NRXN3: variants seen among roughly 807,000 people sequenced by gnomAD.
NRXN3 encodes the protein neurexin 3.
NRXN3 carries 32 observed loss-of-function variants against 137.6 expected under a neutral mutation model. That is an observed-to-expected ratio of 0.23 (90% CI 0.18 to 0.31). NRXN3 has a LOEUF of 0.31. NRXN3 is among the 10% of genes least tolerant of loss of function. The pLI is 1.00. For synonymous variants in NRXN3, 798 were observed against 784.5 expected (o/e 1.02, Z -0.29); for missense variants, 1,574 against 2,062.5 (o/e 0.76, Z 4.59).
At chr14:78,727,347 G>T (rs8003598) in intron 8 of NRXN3, among the ~76,000 whole-genome samples, 72,116 of 152,096 alleles carry the variant, frequency 0.47, 20,256 homozygotes, top group African/African-American at 0.8. Flanking sequence ...GAATATCAGA[G>T]ATAGTGACAC....
chr14:78,252,048 T>C (rs2068711960), intron 2 of NRXN3, among the ~76,000 whole-genome samples: 2 of 152,192 alleles, frequency 1.3e-5, no homozygotes, highest in African/African-American at 4.8e-5. Context: ...GAGTGATCTA[T>C]TTAAAAACAA....
chr14:79,054,501 A>G (rs2099651776), intron 15 of NRXN3, among the ~76,000 whole-genome samples: 1 of 152,160 alleles, frequency 6.6e-6, no homozygotes, highest in Non-Finnish European at 1.5e-5. Context: ...AAAACTTTTC[A>G]CAAAAATTTG....
At chr14:78,400,534 A>T (rs2091954885) in intron 4 of NRXN3, among the ~76,000 whole-genome samples, 1 of 152,216 alleles carries the variant, frequency 6.6e-6, no homozygotes, top group Non-Finnish European at 1.5e-5. Flanking sequence ...GCAAAAATAC[A>T]TGGGCCTGAG....
intron 10 of NRXN3, among the ~76,000 whole-genome samples, chr14:78,932,318 A>G (rs2099324451): frequency 6.6e-6 from 1 of 152,024 alleles, no homozygotes; most frequent in East Asian, 1.9e-4. Flanking sequence ...TTGAACTCTT[A>G]TTTTTCTCTG....
chr14:78,596,222 A>T (rs1436687339), intron 4 of NRXN3, among the ~76,000 whole-genome samples: 2 of 152,372 alleles, frequency 1.3e-5, no homozygotes, highest in Admixed American at 6.5e-5. Flanking sequence ...GACTAAAGTC[A>T]TAATGGAAAT....
chr14:79,614,513 C>T (rs1011239898), intron 16 of NRXN3, among the ~76,000 whole-genome samples: 12 of 152,102 alleles, frequency 7.9e-5, no homozygotes, highest in African/African-American at 1.9e-4. Context: ...TTTGATCTAC[C>T]GCCGAATATA....
rs562074400 is a variant in NRXN3 at position 78,425,534 on chromosome 14, C to G, written c.757+127674C>G. On this transcript the variant is annotated intron_variant, in intron 4 of 20. Coordinates refer to ENST00000335750, the MANE Select transcript of NRXN3 (RefSeq NM_001330195.2). Reference sequence around the variant, plus strand: ...CATCCAGATGGCACCACTGAGAAAGCTGGCTCACAGGCCAGCAGGGGCCCC... The same window carrying G: ...CATCCAGATGGCACCACTGAGAAAGGTGGCTCACAGGCCAGCAGGGGCCCC... Among the ~76,000 whole-genome samples the G allele has an allele frequency of 9.2e-5, 14 of 152,314 alleles. No homozygotes were observed. The East Asian group carries it at 2.7e-3, about 29-fold the overall frequency.
chr14:78,747,136 A>AG (rs34241373), intron 8 of NRXN3, among the ~76,000 whole-genome samples: 72,487 of 151,836 alleles, frequency 0.48, 19,394 homozygotes, highest in African/African-American at 0.72. Context: ...AGCCAGGACC[A>AG]GGGTTGAAAG....
chr14:78,717,606 A>G (rs2098440138), intron 8 of NRXN3, among the ~76,000 whole-genome samples: 1 of 152,026 alleles, frequency 6.6e-6, no homozygotes, highest in Non-Finnish European at 1.5e-5. Flanking sequence ...TCCCAATGAC[A>G]TTGTTTTTCT....
At chr14:78,878,705 G>A (rs2099119848) in intron 10 of NRXN3, among the ~76,000 whole-genome samples, 1 of 151,996 alleles carries the variant, frequency 6.6e-6, no homozygotes, top group South Asian at 2.1e-4. Context: ...TTTGTTGTGA[G>A]AACAATTAAA....
intron 15 of NRXN3, among the ~76,000 whole-genome samples, chr14:79,096,031 C>T (rs2050257871): frequency 6.6e-6 from 1 of 151,876 alleles, no homozygotes; most frequent in African/African-American, 2.4e-5. Flanking sequence ...ATTGCTTTTT[C>T]TGTCTCTTTC....
At chr14:79,304,614 T>C (rs1477292885) in intron 15 of NRXN3, among the ~76,000 whole-genome samples, 1 of 152,070 alleles carries the variant, frequency 6.6e-6, no homozygotes, top group Non-Finnish European at 1.5e-5. Flanking sequence ...CTGTCTTTGC[T>C]GGGAAATTCC....
intron 15 of NRXN3, among the ~76,000 whole-genome samples, chr14:79,012,072 TAGTA>T (rs1213028016): frequency 1.3e-5 from 2 of 152,186 alleles, no homozygotes; most frequent in Admixed American, 1.3e-4. Context: ...CCTGAGATAG[TAGTA>T]AGTGATAGAA....
intron 15 of NRXN3, among the ~76,000 whole-genome samples, chr14:79,179,198 G>A (rs2062666762): frequency 1.3e-5 from 2 of 152,010 alleles, no homozygotes; most frequent in Non-Finnish European, 2.9e-5. Flanking sequence ...ATGTTTATGA[G>A]ATTTCAAGCT....
intron 15 of NRXN3, among the ~76,000 whole-genome samples, chr14:79,141,976 T>A (rs1047344405): frequency 6.6e-6 from 1 of 152,160 alleles, no homozygotes; most frequent in African/African-American, 2.4e-5. Context: ...ATCTCAGCCA[T>A]CAAAATATCC....
At chr14:79,635,054 T>C (rs1181608146) in intron 16 of NRXN3, among the ~76,000 whole-genome samples, 1 of 152,188 alleles carries the variant, frequency 6.6e-6, no homozygotes, top group Non-Finnish European at 1.5e-5. Flanking sequence ...TCATTCAAAA[T>C]AGCTAGAAGA....
At chr14:79,681,893 CTTTCT>C (rs1412584402) in intron 17 of NRXN3, among the ~76,000 whole-genome samples, 5 of 152,010 alleles carry the variant, frequency 3.3e-5, no homozygotes, top group Non-Finnish European at 7.4e-5. Context: ...AGGGATTGTC[CTTTCT>C]TTTCTTTAGG....
intron 16 of NRXN3, among the ~76,000 whole-genome samples, chr14:79,536,373 G>T (rs1029023438): frequency 6.6e-6 from 1 of 152,098 alleles, no homozygotes; most frequent in Non-Finnish European, 1.5e-5. Context: ...ATCATGAAAA[G>T]AGATTGGTTT....
chr14:78,731,904 G>T (rs1349487590), intron 8 of NRXN3, among the ~76,000 whole-genome samples: 1 of 151,858 alleles, frequency 6.6e-6, no homozygotes, highest in African/African-American at 2.4e-5. Flanking sequence ...TGACTTCAAA[G>T]TAGCTATATT....
Sources: gnomAD v4.1 joint callset for allele counts (sites outside exome capture counted in the v4.1 genomes callset) on GRCh38, gnomAD v4.1.1 for gene constraint, MANE v1.5 for transcripts, NCBI Gene and HGNC (gene_info 2026-07-23, HGNC 2026-07-21) for gene names.